VEZT: variants seen among roughly 807,000 people sequenced by gnomAD.
VEZT encodes vezatin.
Under a neutral mutation model 79.9 loss-of-function variants are expected in VEZT, and 39 were observed. The ratio of observed to expected loss-of-function variants is 0.49; its 90% CI spans 0.38 to 0.64. The LOEUF (loss-of-function observed/expected upper bound fraction) is 0.64, where lower values mean the gene tolerates loss of function less well. Among genes scored for constraint, VEZT ranks in the 30% least tolerant of loss-of-function variants. The probability of loss-of-function intolerance (pLI) is 0.00; values close to 1 mark genes in which losing one functional copy is unlikely to be tolerated. For synonymous variants in VEZT, 325 were observed against 327.6 expected (o/e 0.99, Z 0.09); for missense variants, 837 against 893.1 (o/e 0.94, Z 0.80).
intron 8 of VEZT, among the ~76,000 whole-genome samples, chr12:95,284,453 G>A (rs1325073419): frequency 2.0e-5 from 3 of 152,160 alleles, no homozygotes; most frequent in African/African-American, 7.2e-5. Flanking sequence ...TCCAGGGTGT[G>A]TATGGCCAGA....
chr12:95,234,499 G>C (rs1468867302), intron 1 of VEZT, among the ~76,000 whole-genome samples: 1 of 151,776 alleles, frequency 6.6e-6, no homozygotes, highest in African/African-American at 2.4e-5. Flanking sequence ...TCTCCATGGT[G>C]GTCAGGCTGG....
At chr12:95,292,317 C>G (rs1245280321) in intron 9 of VEZT, among the ~76,000 whole-genome samples, 1 of 151,982 alleles carries the variant, frequency 6.6e-6, no homozygotes, top group Non-Finnish European at 1.5e-5. Context: ...TTTAATGTAC[C>G]TGTTTATTGC....
At chr12:95,219,239 G>T (rs1037414475) in intron 1 of VEZT, among the ~76,000 whole-genome samples, 3 of 152,002 alleles carry the variant, frequency 2.0e-5, no homozygotes, top group African/African-American at 7.3e-5. Context: ...CATTATTTTT[G>T]ATTTCTGAAT....
At chr12:95,233,080 A>G (rs2059494692) in intron 1 of VEZT, among the ~76,000 whole-genome samples, 2 of 152,194 alleles carry the variant, frequency 1.3e-5, no homozygotes, top group African/African-American at 4.8e-5. Context: ...TGCTGGGATT[A>G]TAGGGGTGAG....
chr12:95,244,063 A>G (rs1353509871), intron 1 of VEZT: 2 of 429,490 alleles, frequency 4.7e-6, no homozygotes, highest in East Asian at 1.4e-4. Flanking sequence ...TTATAGCAAC[A>G]CAAAACAGAC....
Position 95,296,245 on chromosome 12 carries a change from A to G in VEZT, c.1818A>G (p.Leu606=), listed in dbSNP as rs755444038. 3 of 1,581,748 alleles carry G rather than the reference A, an allele frequency of 1.9e-6. No individual in the cohort carries two copies. Among genetic ancestry groups the G allele is most frequent in the Admixed American group, 1.8e-5 (1 of 54,746 alleles). ...AAAGGCAGAAGTGGAAGCAACTTCTATTTAGTGATCATGGTAAGCACTGAC... is the reference window on the plus strand; with the variant it reads ...AAAGGCAGAAGTGGAAGCAACTTCTGTTTAGTGATCATGGTAAGCACTGAC... ...EAERQKWKQL[L]FSDHAVLKSL... Residue 606 remains leucine, a synonymous_variant, in exon 11 of 12, where the codon CTA becomes CTG. Transcript: ENST00000436874.
At chr12:95,236,158 C>G (rs532629160) in intron 1 of VEZT, among the ~76,000 whole-genome samples, 5 of 152,160 alleles carry the variant, frequency 3.3e-5, no homozygotes, top group Non-Finnish European at 7.4e-5. Flanking sequence ...AACGAGACTC[C>G]GTCTGCAATC....
At chr12:95,243,994 C>T (rs1375806318) in intron 1 of VEZT, 2 of 456,002 alleles carry the variant, frequency 4.4e-6, no homozygotes, top group Admixed American at 2.3e-5. Context: ...TCCCAGCCTG[C>T]AGAACTATGA....
At chr12:95,286,647 A>G in intron 8 of VEZT, 1 of 404,744 alleles carries the variant, frequency 2.5e-6, no homozygotes, top group Non-Finnish European at 5.0e-6. Context: ...GGACAATCTA[A>G]ATTTTCTTCA....
chr12:95,282,264 A>T, intron 7 of VEZT, 49 bp from the exon 8 acceptor site: 3 of 1,433,644 alleles, frequency 2.1e-6, no homozygotes, highest in Non-Finnish European at 2.7e-6. Flanking sequence ...TGTTTTGAAC[A>T]CTGACCAATA....
chr12:95,245,843 G>T (rs900804184), intron 1 of VEZT, among the ~76,000 whole-genome samples: 2 of 152,164 alleles, frequency 1.3e-5, no homozygotes, highest in Non-Finnish European at 2.9e-5. Flanking sequence ...ATCTGAGTAT[G>T]GTAGCTTGCA....
chr12:95,252,235 C>A, intron 2 of VEZT, 164 bp downstream of exon 2: 2 of 582,442 alleles, frequency 3.4e-6, no homozygotes, highest in Non-Finnish European at 5.3e-6. Context: ...ATCCTTACTG[C>A]TTTGGAATAC....
At chr12:95,257,996 A>C (rs2063735033) in intron 3 of VEZT, among the ~76,000 whole-genome samples, 1 of 152,188 alleles carries the variant, frequency 6.6e-6, no homozygotes, top group Non-Finnish European at 1.5e-5. Flanking sequence ...GAATTGTCTA[A>C]AAATGTTCAG....
intron 1 of VEZT, among the ~76,000 whole-genome samples, chr12:95,220,608 T>C (rs536116472): frequency 2.6e-5 from 4 of 152,342 alleles, no homozygotes; most frequent in Admixed American, 2.0e-4. Context: ...TTAGACACTG[T>C]GCATTTCCAT....
At chr12:95,284,848 C>T (rs560973583) in intron 8 of VEZT, among the ~76,000 whole-genome samples, 2 of 152,156 alleles carry the variant, frequency 1.3e-5, no homozygotes, top group East Asian at 1.9e-4. Context: ...CAATATTCCA[C>T]TTTAAAGGCT....
At chr12:95,277,628 G>A (rs992687551) in intron 7 of VEZT, among the ~76,000 whole-genome samples, 2 of 152,154 alleles carry the variant, frequency 1.3e-5, no homozygotes, top group Non-Finnish European at 2.9e-5. Flanking sequence ...GATTCTTAAT[G>A]TGGAAAATGG....
At chr12:95,287,263 G>A (rs2071188466) in intron 8 of VEZT, among the ~76,000 whole-genome samples, 1 of 152,098 alleles carries the variant, frequency 6.6e-6, no homozygotes, top group Admixed American at 6.5e-5. Flanking sequence ...ACACATTGTT[G>A]TGTAGCCATT....
intron 9 of VEZT, among the ~76,000 whole-genome samples, chr12:95,291,313 G>T (rs2072744635): frequency 6.6e-6 from 1 of 152,170 alleles, no homozygotes; most frequent in Non-Finnish European, 1.5e-5. Flanking sequence ...CTAGGGCCTT[G>T]TTATTCAGAG....
chr12:95,241,595 A>C (rs994668868), intron 1 of VEZT, among the ~76,000 whole-genome samples: 3 of 152,108 alleles, frequency 2.0e-5, no homozygotes, highest in African/African-American at 7.2e-5. Context: ...GGAGTGAGCT[A>C]CCCTGCCTAG....
Sources: gnomAD v4.1 joint callset for allele counts (sites outside exome capture counted in the v4.1 genomes callset) on GRCh38, gnomAD v4.1.1 for gene constraint, MANE v1.5 for transcripts, NCBI Gene and HGNC (gene_info 2026-07-23, HGNC 2026-07-21) for gene names.